The following ADGRF4 variants were observed in gnomAD, a reference collection of about 807,000 sequenced individuals.
The protein encoded by ADGRF4 is G-protein coupled receptor PGR18.
A neutral mutation model predicts 58.5 loss-of-function variants in ADGRF4; 63 were observed. That is an observed-to-expected ratio of 1.08 (90% CI 0.88 to 1.33). ADGRF4 has a LOEUF of 1.33. ADGRF4 is among the 40% of genes most tolerant of loss of function. The pLI, the probability that ADGRF4 is intolerant of heterozygous loss-of-function variation, is 0.00. For missense variants in ADGRF4, 931 were observed against 843.9 expected (o/e 1.10, Z -1.28); for synonymous variants, 313 against 295.4 (o/e 1.06, Z -0.61).
chr6:47,710,698 C>G, intron 3 of ADGRF4, 37 bp from the exon 4 acceptor site: 1 of 1,541,878 alleles, frequency 6.5e-7, no homozygotes, highest in East Asian at 2.3e-5. Context: ...CCTAATTGGG[C>G]TCCTGTCTCT....
chr6:47,711,778 A>G (rs1467789005), intron 4 of ADGRF4, among the ~76,000 whole-genome samples: 1 of 152,220 alleles, frequency 6.6e-6, no homozygotes, highest in African/African-American at 2.4e-5. Flanking sequence ...CAGTGGTTTT[A>G]CAAGGGGATT....
At position 47,714,181 on chromosome 6, in the gene ADGRF4, T is replaced by G. The variant is rs1771941678; in HGVS notation, c.936T>G (p.Leu312=). 6.2e-7 allele frequency: 1 copy of G among 1,613,894 alleles called. No individual in the cohort carries two copies. Among genetic ancestry groups the G allele is most frequent in the Admixed American group, 1.7e-5 (1 of 59,992 alleles). The change falls in exon 6 of 10, where the codon CTT becomes CTG. Residue 312 remains leucine (L), a synonymous_variant. Transcript: ENST00000283303. ...LREAHLQNVS[L]PRQVNGLVLS... Reference sequence around the variant, plus strand: ...AAGCCCACTTGCAAAATGTGAGTCTTCCCAGACAGGTAAATGGTCTGGTGC... The same window carrying G: ...AAGCCCACTTGCAAAATGTGAGTCTGCCCAGACAGGTAAATGGTCTGGTGC...
At position 47,714,775 on chromosome 6, in the gene ADGRF4, G is replaced by A. The variant is rs751918085; in HGVS notation, c.1530G>A (p.Met510Ile). The A allele has an allele frequency of 1.2e-6, 2 of 1,614,022 alleles. No individual in the cohort carries two copies. Among genetic ancestry groups the A allele is most frequent in the African/African-American group, 1.3e-5 (1 of 75,042 alleles). Reference sequence around the variant, plus strand: ...TATTGGTCATTTTCCGTAGGATGATGAAGTCCCGAATGATGGTCATTGGCT... The same window carrying A: ...TATTGGTCATTTTCCGTAGGATGATAAAGTCCCGAATGATGGTCATTGGCT... ...YGILVIFRRM[M>I]KSRMMVIGFA... The change falls in exon 6 of 10, where the codon ATG becomes ATA. Residue 510 changes from methionine to isoleucine, a missense_variant. Met to Ile is a conservative substitution (Grantham distance 10). Coordinates refer to ENST00000283303, the MANE Select transcript of ADGRF4 (RefSeq NM_153838.5).
At chr6:47,712,746 A>T in intron 5 of ADGRF4, 138 bp downstream of exon 5, 1 of 644,564 alleles carries the variant, frequency 1.6e-6, no homozygotes, top group South Asian at 2.0e-5. Context: ...TCGGTTTGGG[A>T]TATTGATTCA....
At chr6:47,710,648 C>T (rs533909304) in intron 3 of ADGRF4, 87 bp from the exon 4 acceptor site, 2 of 1,399,564 alleles carry the variant, frequency 1.4e-6, no homozygotes, top group African/African-American at 1.5e-5. Flanking sequence ...ATCCAAAAAT[C>T]TCCAGAATGA....
intron 9 of ADGRF4, among the ~76,000 whole-genome samples, chr6:47,719,478 C>G (rs1040112535): frequency 1.3e-5 from 2 of 152,190 alleles, no homozygotes; most frequent in East Asian, 3.8e-4. Context: ...TGCCCATTTC[C>G]TAGTCTGTCA....
chr6:47,711,112 C>CAAA (rs35782783), intron 4 of ADGRF4, among the ~76,000 whole-genome samples: 1 of 145,960 alleles, frequency 6.9e-6, no homozygotes, highest in Non-Finnish European at 1.5e-5. Context: ...AAACTTTTCT[C>CAAA]AAAAAAAAAA....
At chr6:47,719,478 C>T (rs1040112535) in intron 9 of ADGRF4, among the ~76,000 whole-genome samples, 1 of 152,190 alleles carries the variant, frequency 6.6e-6, no homozygotes, top group African/African-American at 2.4e-5. Flanking sequence ...TGCCCATTTC[C>T]TAGTCTGTCA....
chr6:47,707,334 TA>T lies in ADGRF4; in HGVS notation c.93del (p.Ala32LeufsTer43). ...ECSHYRSKIH[L>X]KAGDKLQSPE... ...TCCCACTATAGATCCAAGATTCACC[TA>T]AAAGTAAGTTTGATCTATTCCTATG... is the stretch of plus-strand genomic sequence containing the variant. On this transcript the variant is annotated frameshift_variant, in exon 2 of 10. Transcript: ENST00000283303. LOFTEE classifies it high-confidence loss of function. The T allele has an allele frequency of 1.3e-6, 2 of 1,593,910 alleles. No homozygotes were observed. The highest frequency in any genetic ancestry group is 1.7e-6 in the Non-Finnish European group (2 of 1,161,528).
At chr6:47,718,310 A>G (rs577094679) in intron 8 of ADGRF4, 79 bp from the exon 9 acceptor site, 2 of 812,462 alleles carry the variant, frequency 2.5e-6, no homozygotes, top group Non-Finnish European at 4.4e-6. Context: ...TCATTTTCAC[A>G]TATTTATCTC....
chr6:47,711,341 C>T (rs1771863426), intron 4 of ADGRF4, among the ~76,000 whole-genome samples: 1 of 152,174 alleles, frequency 6.6e-6, no homozygotes, highest in Non-Finnish European at 1.5e-5. Flanking sequence ...CAGCTCACTG[C>T]AACCTCCACC....
At chr6:47,716,096 C>T (rs1772011326) in intron 6 of ADGRF4, among the ~76,000 whole-genome samples, 1 of 151,870 alleles carries the variant, frequency 6.6e-6, no homozygotes, top group African/African-American at 2.4e-5. Flanking sequence ...TTTAATTAAA[C>T]CCTGGGAAAT....
At chr6:47,720,204 C>T (rs552090188) in intron 9 of ADGRF4, among the ~76,000 whole-genome samples, 20 of 152,132 alleles carry the variant, frequency 1.3e-4, no homozygotes, top group South Asian at 1.0e-3. Context: ...GGTCTCTCAG[C>T]GGAGACAGGG....
chr6:47,717,367 T>TA lies in ADGRF4; in HGVS notation c.2034+16_2034+17insA. 1 of 1,582,528 alleles carries TA rather than the reference T, an allele frequency of 6.3e-7. No homozygotes were observed. Among genetic ancestry groups the TA allele is most frequent in the Non-Finnish European group, 8.7e-7 (1 of 1,151,200 alleles). ...GGCAGCTGAGGTAAGCCTTCCCCTT[T>TA]TAGTCTCAGCCCTGGAGAGTCCGTG... is the stretch of plus-strand genomic sequence containing the variant. On this transcript the variant is annotated intron_variant, in intron 8 of 9. Transcript: ENST00000283303.
intron 3 of ADGRF4, among the ~76,000 whole-genome samples, 169 bp downstream of exon 3, chr6:47,708,447 T>C (rs1771778353): frequency 6.6e-6 from 1 of 152,198 alleles, no homozygotes; most frequent in African/African-American, 2.4e-5. Context: ...ATTTATACCA[T>C]TACCAGTGGC....
chr6:47,714,061 G>A lies in ADGRF4; in HGVS notation c.816G>A (p.Met272Ile). Residue 272 changes from methionine to isoleucine, a missense_variant, in exon 6 of 10, where the codon ATG becomes ATA. Physicochemically the swap from Met to Ile is conservative, Grantham distance 10. Coordinates refer to ENST00000283303, the MANE Select transcript of ADGRF4 (RefSeq NM_153838.5). ...ATACCACAGAAGATATCTTAGGAAT[G>A]GTACAGATTCCCAGGCAAGAGCTAA... is the stretch of plus-strand genomic sequence containing the variant. ...MNNTTEDILGMVQIPRQELRK... is the reference protein window; with the variant it reads ...MNNTTEDILGIVQIPRQELRK... The A allele has an allele frequency of 6.2e-7, 1 of 1,613,926 alleles. No individual in the cohort carries two copies. Among genetic ancestry groups the A allele is most frequent in the Non-Finnish European group, 8.5e-7 (1 of 1,179,976 alleles).
At chr6:47,711,188 C>T (rs1186994349) in intron 4 of ADGRF4, among the ~76,000 whole-genome samples, 1 of 151,720 alleles carries the variant, frequency 6.6e-6, no homozygotes, top group Admixed American at 6.6e-5. Context: ...CATTTTAGCT[C>T]TAAAGGTGGG....
chr6:47,718,914 A>T, intron 9 of ADGRF4, among the ~76,000 whole-genome samples: 1 of 152,174 alleles, frequency 6.6e-6, no homozygotes, highest in South Asian at 2.1e-4. Context: ...CACAGGTGAA[A>T]CCAGGGGAGA....
chr6:47,714,493 G>A lies in ADGRF4; in HGVS notation c.1248G>A (p.Leu416=). Residue 416 remains leucine (L), a synonymous_variant, in exon 6 of 10, where the codon TTG becomes TTA. Coordinates refer to ENST00000283303, the MANE Select transcript of ADGRF4 (RefSeq NM_153838.5). Reference sequence around the variant, plus strand: ...GGCTCAGCGTCTCAATCCTAAGCTTGGTTCTTTGCCTGATCATTGAAGCCA... The same window carrying A: ...GGCTCAGCGTCTCAATCCTAAGCTTAGTTCTTTGCCTGATCATTGAAGCCA... ...CIGLSVSILS[L]VLCLIIEATV... 1 of 1,614,104 alleles carries A rather than the reference G, an allele frequency of 6.2e-7. No homozygotes were observed. The highest frequency in any genetic ancestry group is 1.6e-4 in the Middle Eastern group (1 of 6,062).
Sources: allele counts gnomAD v4.1 joint callset (sites outside exome capture counted in the v4.1 genomes callset), GRCh38; gene constraint gnomAD v4.1.1; transcripts MANE v1.5; gene names NCBI Gene and HGNC (gene_info 2026-07-23, HGNC 2026-07-21).